Variants in NALF1 observed in about 807,000 individuals in gnomAD.
The protein encoded by NALF1 is NALCN channel auxiliary factor 1, also known as family with sequence similarity 155 member A.
Under a neutral mutation model 48.4 loss-of-function variants are expected in NALF1, and 3 were observed. That is an observed-to-expected ratio of 0.06 (90% CI 0.03 to 0.16). The LOEUF (loss-of-function observed/expected upper bound fraction) is 0.16. NALF1 is among the 10% of genes least tolerant of loss of function. NALF1 has a pLI of 1.00. For synonymous variants in NALF1, 262 were observed against 245.7 expected (o/e 1.07, Z -0.62); for missense variants, 526 against 571.5 (o/e 0.92, Z 0.81).
chr13:107,796,113 G>C (rs553027933), intron 1 of NALF1, among the ~76,000 whole-genome samples: 1 of 152,184 alleles, frequency 6.6e-6, no homozygotes, highest in Admixed American at 6.5e-5. Flanking sequence ...CTAATATAAG[G>C]TAATCTTTGT....
At chr13:107,844,727 T>G (rs559125708) in intron 1 of NALF1, among the ~76,000 whole-genome samples, 1 of 152,184 alleles carries the variant, frequency 6.6e-6, no homozygotes, top group South Asian at 2.1e-4. Flanking sequence ...AAATTACTTT[T>G]TCCCTAGTTC....
chr13:107,763,112 T>C (rs17366905), intron 1 of NALF1, among the ~76,000 whole-genome samples: 2,749 of 152,106 alleles, frequency 0.018, 34 homozygotes, highest in Middle Eastern at 0.031. Flanking sequence ...TTTTCTGGCA[T>C]TAAACAAACT....
At chr13:107,243,012 C>T (rs1454947849) in intron 1 of NALF1, among the ~76,000 whole-genome samples, 1 of 152,118 alleles carries the variant, frequency 6.6e-6, no homozygotes, top group Admixed American at 6.5e-5. Flanking sequence ...TATTCTGGCC[C>T]CAGTGCGATT....
chr13:107,391,511 T>C (rs1233224566), intron 1 of NALF1, among the ~76,000 whole-genome samples: 1 of 152,208 alleles, frequency 6.6e-6, no homozygotes, highest in Non-Finnish European at 1.5e-5. Context: ...TTTTCCTTCC[T>C]TTCTTTCCAG....
chr13:107,800,631 TATA>T (rs1314592582), intron 1 of NALF1, among the ~76,000 whole-genome samples: 2 of 146,864 alleles, frequency 1.4e-5, no homozygotes, highest in African/African-American at 5.0e-5. Context: ...TATATAATTA[TATA>T]ATACATATAA....
At chr13:107,696,592 T>C (rs1881706492) in intron 1 of NALF1, among the ~76,000 whole-genome samples, 1 of 147,190 alleles carries the variant, frequency 6.8e-6, no homozygotes, top group African/African-American at 2.5e-5. Context: ...GTGTGTGTAT[T>C]TCTCTTATAT....
intron 1 of NALF1, among the ~76,000 whole-genome samples, chr13:107,794,645 TAA>T (rs148097322): frequency 7.0e-6 from 1 of 142,626 alleles, no homozygotes; most frequent in African/African-American, 2.6e-5. Context: ...ATAATTGAGT[TAA>T]AAAAAAAAAA....
intron 1 of NALF1, among the ~76,000 whole-genome samples, chr13:107,767,464 C>A (rs1002622183): frequency 6.6e-6 from 1 of 152,154 alleles, no homozygotes; most frequent in African/African-American, 2.4e-5. Flanking sequence ...TCTAGAATGT[C>A]TTACAAGGAT....
intron 1 of NALF1, among the ~76,000 whole-genome samples, chr13:107,697,916 G>A (rs565154758): frequency 1.4e-4 from 22 of 152,250 alleles, no homozygotes; most frequent in African/African-American, 5.3e-4. Context: ...ATGGGGGAAA[G>A]TTCTCCTCAC....
At chr13:107,754,129 A>G (rs1391057004) in intron 1 of NALF1, among the ~76,000 whole-genome samples, 1 of 152,210 alleles carries the variant, frequency 6.6e-6, no homozygotes, top group Non-Finnish European at 1.5e-5. Context: ...GATACAAATA[A>G]GTCGTCAGAT....
At chr13:107,306,186 C>T (rs977183750) in intron 1 of NALF1, among the ~76,000 whole-genome samples, 2 of 152,122 alleles carry the variant, frequency 1.3e-5, no homozygotes, top group Non-Finnish European at 2.9e-5. Context: ...GCTCTTTCTT[C>T]TTTGAAACCA....
intron 1 of NALF1, among the ~76,000 whole-genome samples, chr13:107,588,102 G>C (rs932353239): frequency 2.0e-5 from 3 of 152,020 alleles, no homozygotes; most frequent in Non-Finnish European, 2.9e-5. Flanking sequence ...GCATCAAGTG[G>C]GCACATTCCT....
chr13:107,785,546 G>A (rs1878045888), intron 1 of NALF1, among the ~76,000 whole-genome samples: 1 of 152,136 alleles, frequency 6.6e-6, no homozygotes, highest in Non-Finnish European at 1.5e-5. Context: ...GGGACTTGCG[G>A]GGAAGGGTGA....
chr13:107,309,599 C>A (rs536349662), intron 1 of NALF1, among the ~76,000 whole-genome samples: 1 of 152,110 alleles, frequency 6.6e-6, no homozygotes, highest in South Asian at 2.1e-4. Context: ...CAAGGAAGGT[C>A]GAGCTGAAGA....
chr13:107,417,119 C>A (rs139855505), intron 1 of NALF1, among the ~76,000 whole-genome samples: 1 of 152,214 alleles, frequency 6.6e-6, no homozygotes, highest in African/African-American at 2.4e-5. Flanking sequence ...GGACACAATG[C>A]ATACTGTTGT....
At chr13:107,231,794 G>C (rs1173813557) in intron 1 of NALF1, among the ~76,000 whole-genome samples, 1 of 152,208 alleles carries the variant, frequency 6.6e-6, no homozygotes, top group Non-Finnish European at 1.5e-5. Flanking sequence ...AAGTTAAAGG[G>C]GAAGGAGAAC....
At chr13:107,438,873 T>C (rs1336922560) in intron 1 of NALF1, among the ~76,000 whole-genome samples, 1 of 115,172 alleles carries the variant, frequency 8.7e-6, no homozygotes, top group East Asian at 2.5e-4. Context: ...AGGGTGTCGA[T>C]GTTTGATTTT....
intron 1 of NALF1, among the ~76,000 whole-genome samples, chr13:107,747,367 CT>C (rs1301752145): frequency 6.6e-6 from 1 of 152,206 alleles, no homozygotes; most frequent in Non-Finnish European, 1.5e-5. Context: ...GATGCTCAAA[CT>C]TTCCACCAGA....
rs141361835 is a variant in NALF1 at position 107,557,610 on chromosome 13, A to G, written c.915+308072T>C. 4.1e-3 allele frequency among the ~76,000 whole-genome samples: 622 copies of G among 152,130 alleles called. 2 individuals are homozygous for G. Among genetic ancestry groups the G allele is most frequent in the African/African-American group, 0.014 (591 of 41,518 alleles). ...CTGCTCTGGAAAACTGATAATGGTC[A>G]TTTCTCTTTGGATTATTTTGGTTTC... On this transcript the variant is annotated intron_variant, in intron 1 of 2. Coordinates refer to ENST00000375915, the MANE Select transcript of NALF1 (RefSeq NM_001080396.3).
Sources: gnomAD v4.1 joint callset for allele counts (sites outside exome capture counted in the v4.1 genomes callset) on GRCh38, gnomAD v4.1.1 for gene constraint, MANE v1.5 for transcripts, NCBI Gene and HGNC (gene_info 2026-07-23, HGNC 2026-07-21) for gene names.